The following KCNH6 variants were observed in gnomAD, a reference collection of about 807,000 sequenced individuals.
The protein encoded by KCNH6 is potassium voltage-gated channel subfamily H member 6, also known as voltage-gated inwardly rectifying potassium channel KCNH6.
KCNH6 carries 81 observed loss-of-function variants against 83.4 expected under a neutral mutation model. The observed-to-expected ratio is 0.97, with a 90% CI of 0.81 to 1.17. KCNH6 has a LOEUF of 1.17. KCNH6 is among the 50% of genes most tolerant of loss of function. The probability of loss-of-function intolerance (pLI) is 0.00; values close to 1 mark genes in which losing one functional copy is unlikely to be tolerated. For synonymous variants in KCNH6, 503 were observed against 545.6 expected, an observed-to-expected ratio of 0.92 and a Z score of 1.09; for missense variants, 1,203 against 1,290.5, an observed-to-expected ratio of 0.93 and a Z score of 1.04.
intron 2 of KCNH6, among the ~76,000 whole-genome samples, chr17:63,525,763 A>C (rs920342477): frequency 6.6e-6 from 1 of 152,132 alleles, no homozygotes; most frequent in Non-Finnish European, 1.5e-5. Context: ...ACTGGGAAGA[A>C]TCTGGCTTAG....
chr17:63,538,033 G>C lies in KCNH6; in HGVS notation c.1502-32G>C. On this transcript the variant is annotated intron_variant, in intron 6 of 12. Transcript: ENST00000314672. The surrounding 1 kb of genome is among the most constrained non-coding windows in gnomAD (Gnocchi z 4.0). ...CTTGGTGGTGTGGCCCAGTGGGGCC[G>C]CGGAGGAGCTCACTCTCCGCCCCGC... 9 of 1,603,174 alleles carry C rather than the reference G, an allele frequency of 5.6e-6. No homozygotes were observed. Among genetic ancestry groups the C allele is most frequent in the Non-Finnish European group, 7.7e-6 (9 of 1,175,936 alleles).
intron 8 of KCNH6, among the ~76,000 whole-genome samples, chr17:63,539,335 C>A (rs545565357): frequency 6.6e-6 from 1 of 152,268 alleles, no homozygotes; most frequent in South Asian, 2.1e-4. Context: ...CAGCCCTCCC[C>A]CTCTGCTTCC....
At position 63,543,603 on chromosome 17, in the gene KCNH6, C is replaced by T. The variant is rs756075949; in HGVS notation, c.2176C>T (p.Arg726Ter). The change falls in exon 10 of 13, where the codon CGA becomes TGA. Residue 726 changes from arginine (R) to a stop codon, truncating the protein, a stop_gained. Transcript: ENST00000314672. LOFTEE classifies it high-confidence loss of function. The part of the protein sequence containing the change: ...DAAGGLHSSP[R>*]QAPGSQDHQG... ...AGCCGGGGGTCTCCACTCATCCCCC[C>T]GACAGGCTCCTGGCAGCCAAGACCA... 1.5e-5 allele frequency: 24 copies of T among 1,613,288 alleles called. 1 individual carries two copies. Among genetic ancestry groups the T allele is most frequent in the Admixed American group, 3.3e-5 (2 of 60,012 alleles).
chr17:63,544,479 A>G (rs966056527), intron 11 of KCNH6, 68 bp downstream of exon 11: 9 of 1,375,248 alleles, frequency 6.5e-6, no homozygotes, highest in Admixed American at 6.2e-5. Flanking sequence ...CAGACACATC[A>G]CAGGGTGCCA....
intron 8 of KCNH6, among the ~76,000 whole-genome samples, chr17:63,539,698 T>A (rs1423268603): frequency 6.6e-6 from 1 of 151,994 alleles, no homozygotes; most frequent in Admixed American, 6.5e-5. Context: ...TGTCCATACC[T>A]CTCCATCTCA....
At chr17:63,525,355 C>A (rs1419214737) in intron 2 of KCNH6, among the ~76,000 whole-genome samples, 2 of 152,188 alleles carry the variant, frequency 1.3e-5, no homozygotes, top group Non-Finnish European at 2.9e-5. Flanking sequence ...TCGGAGATTT[C>A]TTTTGAGTAA....
At chr17:63,548,253 A>G (rs559153296), downstream of KCNH6, among the ~76,000 whole-genome samples, 44 of 151,922 alleles carry the variant, frequency 2.9e-4, no homozygotes, top group Non-Finnish European at 5.6e-4. Context: ...GCAACAGAGC[A>G]AGACTCCGTT....
chr17:63,538,054 C>T lies in KCNH6; in HGVS notation c.1502-11C>T, dbSNP rs1368733041. 2 of 1,611,392 alleles carry T rather than the reference C, an allele frequency of 1.2e-6. No individual in the cohort carries two copies. The highest frequency in any genetic ancestry group is 2.2e-5 in the East Asian group (1 of 44,770). Reference sequence around the variant, plus strand: ...GGCCGCGGAGGAGCTCACTCTCCGCCCCGCCCCCAGCCCTGATGTACGCCA... The same window carrying T: ...GGCCGCGGAGGAGCTCACTCTCCGCTCCGCCCCCAGCCCTGATGTACGCCA... On this transcript the variant is annotated splice_polypyrimidine_tract_variant and intron_variant, in intron 6 of 12. Transcript: ENST00000314672. This position sits in a 1 kb window ranked among gnomAD's most constrained non-coding sequence, Gnocchi z 4.0.
Position 63,535,688 on chromosome 17 carries a change from T to G in KCNH6, c.1121T>G (p.Leu374Arg). The G allele has an allele frequency of 1.2e-6, 2 of 1,608,590 alleles. No homozygotes were observed. The highest frequency in any genetic ancestry group is 1.7e-6 in the Non-Finnish European group (2 of 1,176,358). Reference sequence around the variant, plus strand: ...CTCCAGACCACAACCCTGATTGGGCTATTGAAGACAGCGCGGCTGCTGCGG... The same window carrying G: ...CTCCAGACCACAACCCTGATTGGGCGATTGAAGACAGCGCGGCTGCTGCGG... ...GSDETTTLIG[L>R]LKTARLLRLV... The change falls in exon 6 of 13, where the codon CTA becomes CGA. Residue 374 changes from leucine to arginine, a missense_variant. Transcript: ENST00000314672. This position sits in a 1 kb window ranked among gnomAD's most constrained non-coding sequence, Gnocchi z 4.9.
rs2032408452 is a variant in KCNH6 at position 63,535,276 on chromosome 17, C to T, written c.1102-393C>T. Among the ~76,000 whole-genome samples the T allele has an allele frequency of 6.6e-6, 1 of 152,198 alleles. No individual in the cohort carries two copies. Among genetic ancestry groups the T allele is most frequent in the Admixed American group, 6.5e-5 (1 of 15,284 alleles). On this transcript the variant is annotated intron_variant, in intron 5 of 12. Coordinates refer to ENST00000314672, the MANE Select transcript of KCNH6 (RefSeq NM_001278919.2). The surrounding 1 kb of genome is among the most constrained non-coding windows in gnomAD (Gnocchi z 4.9). ...TGCCACACTCGGTTTCCCACATCGG[C>T]CACGCACTTCACACCTCAGTGCCGC...
rs1193749366 is a variant in KCNH6 at position 63,523,566 on chromosome 17, T to C, written c.76+77T>C. The C allele has an allele frequency of 1.5e-6, 2 of 1,363,988 alleles. No individual in the cohort carries two copies. Among genetic ancestry groups the C allele is most frequent in the Non-Finnish European group, 2.0e-6 (2 of 985,468 alleles). The allele number at this position is 1,363,988 out of a possible 1,614,324, so 84.5% of individuals were successfully genotyped here. On this transcript the variant is annotated intron_variant, in intron 1 of 12. Coordinates refer to ENST00000314672, the MANE Select transcript of KCNH6 (RefSeq NM_001278919.2). This position sits in a 1 kb window ranked among gnomAD's most constrained non-coding sequence, Gnocchi z 4.2. Reference sequence around the variant, plus strand: ...GAAAGGGGGGGCTGGACCCCTTTACTAACTTCTAACCGGGCAAGGTGGTGA... The same window carrying C: ...GAAAGGGGGGGCTGGACCCCTTTACCAACTTCTAACCGGGCAAGGTGGTGA...
In KCNH6 at chr17:63,542,221, C is replaced by T; in HGVS notation, c.1955-20C>T. 1 of 1,611,968 alleles carries T rather than the reference C, an allele frequency of 6.2e-7. No individual in the cohort carries two copies. Among genetic ancestry groups the T allele is most frequent in the South Asian group, 1.1e-5 (1 of 90,978 alleles). ...CATGGAGTCAGACCCTGAAGAGACTCCCACCCCTCTGGCTGGCAGGAAAGA... is the reference window on the plus strand; with the variant it reads ...CATGGAGTCAGACCCTGAAGAGACTTCCACCCCTCTGGCTGGCAGGAAAGA... On this transcript the variant is annotated intron_variant, in intron 8 of 12. Transcript: ENST00000314672.
intron 4 of KCNH6, 57 bp downstream of exon 4, chr17:63,530,599 C>A: frequency 2.6e-6 from 4 of 1,533,446 alleles, no homozygotes; most frequent in Non-Finnish European, 3.6e-6. Flanking sequence ...GGGTCCCCTC[C>A]CAGGCTCTGG....
rs576751190 is a variant in KCNH6 at position 63,534,740 on chromosome 17, A to G, written c.1101+429A>G. ...GGCTGCCCATAGGTGACGTGAAGGCATCTACATGCCTTTCTCATAGCTTCC... is the reference window on the plus strand; with the variant it reads ...GGCTGCCCATAGGTGACGTGAAGGCGTCTACATGCCTTTCTCATAGCTTCC... On this transcript the variant is annotated intron_variant, in intron 5 of 12. Transcript: ENST00000314672. This position sits in a 1 kb window ranked among gnomAD's most constrained non-coding sequence, Gnocchi z 5.0. 1.6e-4 allele frequency among the ~76,000 whole-genome samples: 24 copies of G among 152,166 alleles called. No individual in the cohort carries two copies. The highest frequency in any genetic ancestry group is 5.3e-4 in the African/African-American group (22 of 41,516).
chr17:63,537,692 C>T (rs1309088339), intron 6 of KCNH6, among the ~76,000 whole-genome samples: 1 of 152,206 alleles, frequency 6.6e-6, no homozygotes, highest in African/African-American at 2.4e-5. Context: ...CCACCTCGGC[C>T]TCCCAAAGTG....
rs548889224 is a variant in KCNH6 at position 63,538,776 on chromosome 17, C to T, written c.1954+114C>T. The T allele has an allele frequency of 3.6e-5, 40 of 1,116,156 alleles. No individual in the cohort carries two copies. In the South Asian group the frequency reaches 5.5e-4, roughly 15 times the overall value. 69.1% of individuals were successfully genotyped at this position (1,116,156 alleles called of 1,614,324 possible). On this transcript the variant is annotated intron_variant, in intron 8 of 12. Transcript: ENST00000314672. The surrounding 1 kb of genome is among the most constrained non-coding windows in gnomAD (Gnocchi z 4.0). ...CTGATGAGGATTTTACTTTTACTGG[C>T]AGCCACTTGCACAGCATGTGCCCGG...
At chr17:63,526,497 C>T (rs369649344) in intron 2 of KCNH6, among the ~76,000 whole-genome samples, 4 of 151,092 alleles carry the variant, frequency 2.6e-5, no homozygotes, top group South Asian at 2.1e-4. Flanking sequence ...GCTGAGACTA[C>T]AGGCGCGCAC....
At chr17:63,524,065 T>C in intron 1 of KCNH6, 74 bp from the exon 2 acceptor site, 1 of 1,024,462 alleles carries the variant, frequency 9.8e-7, no homozygotes, top group Non-Finnish European at 1.5e-6. Context: ...CCACCAAGAG[T>C]CCTTATGATC....
downstream of KCNH6, among the ~76,000 whole-genome samples, chr17:63,548,567 C>T (rs1329843333): frequency 2.6e-5 from 4 of 152,078 alleles, no homozygotes; most frequent in Admixed American, 6.6e-5. Flanking sequence ...TTAAGGGTTA[C>T]ATCTATTAGT....
Sources: allele counts gnomAD v4.1 joint callset (sites outside exome capture counted in the v4.1 genomes callset), GRCh38; gene constraint gnomAD v4.1.1; non-coding constraint Gnocchi (gnomAD v3.1); transcripts MANE v1.5; gene names NCBI Gene and HGNC (gene_info 2026-07-23, HGNC 2026-07-21).